Variants in CETN3 observed in about 807,000 individuals in gnomAD.
CETN3 encodes the protein centrin-3.
CETN3 carries 17 observed loss-of-function variants against 20.1 expected under a neutral mutation model. The observed-to-expected ratio is 0.85, with a 90% CI of 0.58 to 1.27. The LOEUF (loss-of-function observed/expected upper bound fraction) is 1.27, where lower values mean the gene tolerates loss of function less well. CETN3 is among the 50% of genes most tolerant of loss of function. The pLI is 0.00. For synonymous variants in CETN3, 52 were observed against 59.7 expected (o/e 0.87, Z 0.59); for missense variants, 169 against 191.2 (o/e 0.88, Z 0.69).
At chr5:90,399,188 T>C in intron 4 of CETN3, 170 bp downstream of exon 4, 1 of 643,084 alleles carries the variant, frequency 1.6e-6, no homozygotes. Context: ...TAATTGGTTT[T>C]AGAGATCTGC....
chr5:90,407,773 T>C lies in CETN3; in HGVS notation c.79A>G (p.Lys27Glu). ...KKRRELSEEQ[K>E]QEIKDAFELF... ...TCAAAAGCATCTTTAATTTCTTGTT[T>C]CTGTTCCTCAGACAGTTCTCTTCTT... is the stretch of plus-strand genomic sequence containing the variant. Residue 27 changes from lysine (K) to glutamate (E), a missense_variant, in exon 2 of 5, where the codon AAA becomes GAA. Coordinates refer to ENST00000283122, the MANE Select transcript of CETN3 (RefSeq NM_004365.4). 1 of 1,603,964 alleles carries C rather than the reference T, an allele frequency of 6.2e-7. No homozygotes were observed. The highest frequency in any genetic ancestry group is 8.5e-7 in the Non-Finnish European group (1 of 1,173,898).
rs530368900 is a variant in CETN3, at chr5:90,395,245, G to A, written c.461-1138C>T. Reference sequence around the variant, plus strand: ...ATGCCAACACCACAATAAGTGTTGCGTAATATATCAAAACAGACACCAGGC... The same window carrying A: ...ATGCCAACACCACAATAAGTGTTGCATAATATATCAAAACAGACACCAGGC... On this transcript the variant is annotated intron_variant, in intron 4 of 4. Coordinates refer to ENST00000283122, the MANE Select transcript of CETN3 (RefSeq NM_004365.4). 2.6e-5 allele frequency among the ~76,000 whole-genome samples: 4 copies of A among 152,156 alleles called. No individual in the cohort carries two copies. In the South Asian group the frequency reaches 8.3e-4, roughly 32 times the overall value.
At chr5:90,402,813 T>C (rs999163693) in intron 3 of CETN3, among the ~76,000 whole-genome samples, 2 of 152,216 alleles carry the variant, frequency 1.3e-5, no homozygotes, top group African/African-American at 4.8e-5. Context: ...CATAGTACTA[T>C]AGCCTGTTGT....
intron 4 of CETN3, chr5:90,396,287 A>G (rs1749134854): frequency 1.0e-6 from 1 of 985,140 alleles, no homozygotes; most frequent in African/African-American, 1.7e-5. Context: ...TCTACAAAAC[A>G]CTATGACAAA....
intron 3 of CETN3, among the ~76,000 whole-genome samples, chr5:90,403,898 A>AAAAAAAC (rs1749368644): frequency 6.7e-6 from 1 of 148,180 alleles, no homozygotes; most frequent in African/African-American, 2.5e-5. Flanking sequence ...AAAAAAAAAA[A>AAAAAAAC]AATCACAATT....
chr5:90,406,075 G>A (rs1401124494), intron 2 of CETN3, among the ~76,000 whole-genome samples: 1 of 152,034 alleles, frequency 6.6e-6, no homozygotes, highest in Non-Finnish European at 1.5e-5. Context: ...CTAACTTATT[G>A]CACAGATAAT....
rs1749137355 is a variant in CETN3 at position 90,396,430 on chromosome 5, C to CT, written c.461-2324dup. 108 of 1,502,500 alleles carry CT rather than the reference C, an allele frequency of 7.2e-5. No homozygotes were observed. The South Asian group carries it at 1.4e-3, about 19-fold the overall frequency. 93.1% of individuals were successfully genotyped at this position (1,502,500 alleles called of 1,614,324 possible). On this transcript the variant is annotated intron_variant, in intron 4 of 4. Coordinates refer to ENST00000283122, the MANE Select transcript of CETN3 (RefSeq NM_004365.4). The stretch of plus-strand genomic sequence containing the variant: ...ATATCTTAGGAAAGCTATGATCCCT[C>CT]TCTCTTTCCAATAAATACAGTTCAA...
At chr5:90,396,803 TTAAAC>T (rs1302204463) in intron 4 of CETN3, among the ~76,000 whole-genome samples, 2 of 152,074 alleles carry the variant, frequency 1.3e-5, no homozygotes, top group African/African-American at 4.8e-5. Flanking sequence ...TACAAAAACT[TTAAAC>T]TATAATAGCA....
At chr5:90,394,365 T>C (rs1749092235) in intron 4 of CETN3, among the ~76,000 whole-genome samples, 2 of 151,988 alleles carry the variant, frequency 1.3e-5, no homozygotes, top group Admixed American at 1.3e-4. Flanking sequence ...GGGGAAAAGA[T>C]AATGTTACCA....
chr5:90,395,372 T>C (rs1580159732), intron 4 of CETN3, among the ~76,000 whole-genome samples: 1 of 152,330 alleles, frequency 6.6e-6, no homozygotes, highest in African/African-American at 2.4e-5. Flanking sequence ...ATCATAGCTT[T>C]ATGAAAGATA....
At chr5:90,397,170 A>T (rs1448885667) in intron 4 of CETN3, among the ~76,000 whole-genome samples, 1 of 152,086 alleles carries the variant, frequency 6.6e-6, no homozygotes, top group South Asian at 2.1e-4. Context: ...CTAAAAACAC[A>T]CTACTTAAAC....
chr5:90,403,129 T>G (rs1749343305), intron 3 of CETN3, among the ~76,000 whole-genome samples: 1 of 152,190 alleles, frequency 6.6e-6, no homozygotes, highest in South Asian at 2.1e-4. Flanking sequence ...AAAGCTTTTT[T>G]CCAGTACTAG....
At chr5:90,399,607 T>C in intron 3 of CETN3, 58 bp from the exon 4 acceptor site, 1 of 1,343,470 alleles carries the variant, frequency 7.4e-7, no homozygotes, top group Non-Finnish European at 1.0e-6. Context: ...AGGCATTCAT[T>C]TGTGAAATCA....
At chr5:90,404,429 C>G (rs1306492667) in intron 3 of CETN3, among the ~76,000 whole-genome samples, 4 of 152,176 alleles carry the variant, frequency 2.6e-5, no homozygotes, top group Non-Finnish European at 5.9e-5. Flanking sequence ...ACTAGGAATA[C>G]TACGATCATA....
At chr5:90,407,855 G>A (rs772224818) in intron 1 of CETN3, 21 bp from the exon 2 acceptor site, 1 of 1,552,240 alleles carries the variant, frequency 6.4e-7, no homozygotes, top group South Asian at 1.3e-5. Context: ...GAAAGAAAAA[G>A]CCCTTAGTCC....
intron 3 of CETN3, among the ~76,000 whole-genome samples, chr5:90,400,690 T>C (rs1749265762): frequency 6.6e-6 from 1 of 152,026 alleles, no homozygotes; most frequent in East Asian, 1.9e-4. Context: ...CAAGCTGTTG[T>C]TTTGCTGCTG....
chr5:90,407,735 TG>T lies in CETN3; in HGVS notation c.116del (p.Thr39LysfsTer7), dbSNP rs1749490824. On this transcript the variant is annotated frameshift_variant, in exon 2 of 5. Coordinates refer to ENST00000283122, the MANE Select transcript of CETN3 (RefSeq NM_004365.4). LOFTEE classifies it high-confidence loss of function. ...GATAATCTATTGCTTCATCTTTGTC[TG>T]TATCAAATAGTTCAAAAGCATCTTT... ...EIKDAFELFD[T>X]DKDEAIDYHE... 2 of 1,568,194 alleles carry T rather than the reference TG, an allele frequency of 1.3e-6. No homozygotes were observed. Among genetic ancestry groups the T allele is most frequent in the Non-Finnish European group, 1.7e-6 (2 of 1,148,774 alleles).
Position 90,394,024 on chromosome 5 carries a change from T to C in CETN3, c.*40A>G. On this transcript the variant is annotated 3_prime_UTR_variant, in exon 5 of 5. Transcript: ENST00000283122. The stretch of plus-strand genomic sequence containing the variant: ...CCAGGCACAAAAATAGAATATAAGA[T>C]GGTAACTGCAACATTCTTAGTGTTT... 4 of 1,341,490 alleles carry C rather than the reference T, an allele frequency of 3.0e-6. No homozygotes were observed. Among genetic ancestry groups the C allele is most frequent in the Non-Finnish European group, 3.2e-6 (3 of 949,146 alleles). The allele number at this position is 1,341,490 out of a possible 1,614,324, so 83.1% of individuals were successfully genotyped here.
intron 4 of CETN3, chr5:90,399,013 G>A: frequency 2.5e-6 from 1 of 406,730 alleles, no homozygotes; most frequent in South Asian, 3.4e-5. Flanking sequence ...AGCCACAATG[G>A]ACAAAGATAA....
Sources: gnomAD v4.1 joint callset for allele counts (sites outside exome capture counted in the v4.1 genomes callset) on GRCh38, gnomAD v4.1.1 for gene constraint, MANE v1.5 for transcripts, NCBI Gene and HGNC (gene_info 2026-07-23, HGNC 2026-07-21) for gene names.